MPPE1: variants seen among roughly 807,000 people sequenced by gnomAD.
MPPE1 encodes the protein metallophosphoesterase 1.
MPPE1 carries 28 observed loss-of-function variants against 43.8 expected under a neutral mutation model. The ratio of observed to expected loss-of-function variants is 0.64; its 90% confidence interval spans 0.47 to 0.88. MPPE1 has a LOEUF of 0.88. Among genes scored for constraint, MPPE1 ranks in the 40% least tolerant of loss-of-function variants. The pLI is 0.00. For missense variants in MPPE1, 428 were observed against 492.2 expected (o/e 0.87, Z 1.23); for synonymous variants, 159 against 188.5 (o/e 0.84, Z 1.28).
intron 4 of MPPE1, among the ~76,000 whole-genome samples, chr18:11,892,078 G>A (rs1281805560): frequency 2.6e-5 from 4 of 152,142 alleles, no homozygotes; most frequent in African/African-American, 2.4e-5. Flanking sequence ...AGCGGCTCAC[G>A]CCTATAATCC....
chr18:11,890,933 A>T (rs1272428235), intron 4 of MPPE1, among the ~76,000 whole-genome samples: 1 of 152,240 alleles, frequency 6.6e-6, no homozygotes, highest in African/African-American at 2.4e-5. Flanking sequence ...AAAATTTTTC[A>T]AAATTATTCT....
Position 11,885,693 on chromosome 18 carries a change from T to C in MPPE1, c.991A>G (p.Asn331Asp). Residue 331 changes from asparagine (N) to aspartate (D), a missense_variant, in exon 10 of 11, where the codon AAC becomes GAC. Transcript: ENST00000588072. ...VPSFSWRNRNNPSFIMGSITP... is the reference protein window; with the variant it reads ...VPSFSWRNRNDPSFIMGSITP... ...CACGTTACCATGATGAAACTGGGGT[T>C]GTTTCTGTTCCTCCAACTGAAAGAT... 6.2e-7 allele frequency: 1 copy of C among 1,613,494 alleles called. No individual in the cohort carries two copies.
intron 6 of MPPE1, among the ~76,000 whole-genome samples, chr18:11,887,398 T>G (rs1227843667): frequency 6.6e-6 from 1 of 152,140 alleles, no homozygotes; most frequent in Non-Finnish European, 1.5e-5. Context: ...GTTGTGAGGA[T>G]TCAATGAAAT....
rs2036808506 is a variant in MPPE1 at position 11,883,903 on chromosome 18, C to G, written c.*542G>C. 1 of 152,266 alleles carries G rather than the reference C, an allele frequency of 6.6e-6. No individual in the cohort carries two copies. Among genetic ancestry groups the G allele is most frequent in the Admixed American group, 6.5e-5 (1 of 15,274 alleles). The allele number at this position is 152,266 out of a possible 1,614,324, so 9.4% of individuals were successfully genotyped here. ...ACGAGGTTTCACCATGTTGGCCAGG[C>G]TGGTCTTGAACTCCTGACCTCAAGT... On this transcript the variant is annotated 3_prime_UTR_variant, in exon 11 of 11. Transcript: ENST00000588072.
intron 2 of MPPE1, among the ~76,000 whole-genome samples, chr18:11,901,124 T>C (rs1464366906): frequency 1.3e-5 from 2 of 152,116 alleles, no homozygotes; most frequent in African/African-American, 4.8e-5. Flanking sequence ...TTTCAGAAGA[T>C]GAAAGGGTAG....
At chr18:11,903,973 C>G (rs987383405) in intron 2 of MPPE1, among the ~76,000 whole-genome samples, 1 of 152,192 alleles carries the variant, frequency 6.6e-6, no homozygotes, top group Non-Finnish European at 1.5e-5. Context: ...CTGCCTTATG[C>G]CCCTCAGTGG....
chr18:11,882,987 G>A lies in MPPE1; in HGVS notation c.*1458C>T, dbSNP rs1205696192. On this transcript the variant is annotated 3_prime_UTR_variant, in exon 11 of 11. Transcript: ENST00000588072. ...GTCTAAAATAATAATCTATAAAGAT[G>A]TCCAAAGTTAAATTTTCAACAATAC... 2 of 152,122 alleles carry A rather than the reference G, an allele frequency of 1.3e-5. No individual in the cohort carries two copies. The highest frequency in any genetic ancestry group is 1.3e-4 in the Admixed American group (2 of 15,256). 9.4% of individuals were successfully genotyped at this position (152,122 alleles called of 1,614,324 possible). A position where few individuals can be genotyped will look rare whatever the true frequency, so the allele number is the denominator to read the frequency against.
At chr18:11,902,701 C>CT (rs2039324978) in intron 2 of MPPE1, 1 of 152,214 alleles carries the variant, frequency 6.6e-6, no homozygotes, top group South Asian at 2.1e-4. Flanking sequence ...TCTACACCCC[C>CT]TTCTCTTCAT....
intron 1 of MPPE1, chr18:11,907,914 T>C (rs999347310): frequency 1.3e-5 from 2 of 152,156 alleles, no homozygotes; most frequent in African/African-American, 2.4e-5. Flanking sequence ...TTTCTCTAAT[T>C]CACTATCTTA....
rs2038711167 is a variant in MPPE1 at position 11,897,326 on chromosome 18, G to A, written c.-62C>T. 3.1e-6 allele frequency: 3 copies of A among 972,404 alleles called. No homozygotes were observed. Among genetic ancestry groups the A allele is most frequent in the Non-Finnish European group, 4.7e-6 (3 of 640,680 alleles). 60.2% of individuals were successfully genotyped at this position (972,404 alleles called of 1,614,324 possible). ...CGAGAAAACTGCAGAGCCCTGGGGA[G>A]GGTGATGGCATTCAGGTCTTAGCTG... On this transcript the variant is annotated 5_prime_UTR_variant, in exon 3 of 11. Transcript: ENST00000588072.
chr18:11,886,567 G>T lies in MPPE1; in HGVS notation c.799C>A (p.Pro267Thr). 1.9e-6 allele frequency: 3 copies of T among 1,614,198 alleles called. No individual in the cohort carries two copies. Among genetic ancestry groups the T allele is most frequent in the Non-Finnish European group, 2.5e-6 (3 of 1,180,036 alleles). Residue 267 changes from proline (P) to threonine (T), a missense_variant, in exon 9 of 11, where the codon CCT becomes ACT. This residue lies in a region of MPPE1 where 379 missense variants were observed against 402.5 expected (regional missense o/e 0.94). Coordinates refer to ENST00000588072, the MANE Select transcript of MPPE1 (RefSeq NM_023075.6). This position sits in a 1 kb window ranked among gnomAD's most constrained non-coding sequence, Gnocchi z 4.1. ...DANCSGEDAA[P>T]AEERDIPFKE... is the part of the protein sequence containing the mutation. ...AATGGGATGTCCCTTTCCTCTGCAG[G>T]AGCAGCGTCTTCCCCAGAACAGTTA...
chr18:11,907,890 A>G (rs1184487688), intron 1 of MPPE1: 1 of 152,128 alleles, frequency 6.6e-6, no homozygotes, highest in South Asian at 2.1e-4. Flanking sequence ...CTTAATATGC[A>G]CTGACCTGTA....
intron 2 of MPPE1, among the ~76,000 whole-genome samples, chr18:11,899,276 T>C (rs2038903594): frequency 6.6e-6 from 1 of 152,168 alleles, no homozygotes; most frequent in African/African-American, 2.4e-5. Flanking sequence ...GTCTGTGCAG[T>C]GGGCAGGAAG....
At chr18:11,907,392 C>T (rs1808624441) in intron 1 of MPPE1, among the ~76,000 whole-genome samples, 1 of 152,148 alleles carries the variant, frequency 6.6e-6, no homozygotes, top group Non-Finnish European at 1.5e-5. Flanking sequence ...ACTCATGGCT[C>T]CCCTAAAATG....
In MPPE1 at chr18:11,900,718, T is replaced by C. The variant is rs544543103; in HGVS notation, c.-92-3362A>G. 3.3e-4 allele frequency among the ~76,000 whole-genome samples: 50 copies of C among 151,704 alleles called. 1 individual carries two copies. In the South Asian group the frequency reaches 5.0e-3, roughly 15 times the overall value. ...GTCAGGAGATCGAGACCATCCTGGCTAACACGGTGAAACCCCATCTCTACT... is the reference window on the plus strand; with the variant it reads ...GTCAGGAGATCGAGACCATCCTGGCCAACACGGTGAAACCCCATCTCTACT... On this transcript the variant is annotated intron_variant, in intron 2 of 10. Coordinates refer to ENST00000588072, the MANE Select transcript of MPPE1 (RefSeq NM_023075.6).
chr18:11,885,403 T>A, intron 10 of MPPE1: 1 of 461,820 alleles, frequency 2.2e-6, no homozygotes, highest in Non-Finnish European at 3.9e-6. Context: ...ACACAGAGTG[T>A]AAGAGGAGAG....
At chr18:11,896,307 G>A (rs1372342528) in intron 3 of MPPE1, among the ~76,000 whole-genome samples, 5 of 151,652 alleles carry the variant, frequency 3.3e-5, no homozygotes, top group Non-Finnish European at 5.9e-5. Context: ...GCACCATGTT[G>A]GCCAGGCTGG....
At chr18:11,884,799 C>A in intron 10 of MPPE1, 172 bp from the exon 11 acceptor site, 1 of 1,380,944 alleles carries the variant, frequency 7.2e-7, no homozygotes, top group Non-Finnish European at 9.5e-7. Flanking sequence ...GCACAGCTCA[C>A]CCCCGACCAG....
At chr18:11,885,386 T>A in intron 10 of MPPE1, 1 of 381,528 alleles carries the variant, frequency 2.6e-6, no homozygotes, top group East Asian at 5.3e-5. Flanking sequence ...TTTAGAAAAT[T>A]AAACACACAC....
Sources: allele counts gnomAD v4.1 joint callset (sites outside exome capture counted in the v4.1 genomes callset), GRCh38; gene constraint gnomAD v4.1.1; regional missense constraint gnomAD v4.1.1; non-coding constraint Gnocchi (gnomAD v3.1); transcripts MANE v1.5; gene names NCBI Gene and HGNC (gene_info 2026-07-23, HGNC 2026-07-21).